Variants in DPY19L3 observed in about 807,000 individuals in gnomAD.
The protein encoded by DPY19L3 is dpy-19 like C-mannosyltransferase 3, also known as protein C-mannosyl-transferase DPY19L3.
In DPY19L3, 51 loss-of-function variants were observed where a neutral mutation model predicts 92.3. That is an observed-to-expected ratio of 0.55 (90% CI 0.44 to 0.70). The LOEUF (loss-of-function observed/expected upper bound fraction) is 0.70, where lower values mean the gene tolerates loss of function less well. Among genes scored for constraint, DPY19L3 ranks in the 30% least tolerant of loss-of-function variants. DPY19L3 has a pLI of 0.00. For missense variants in DPY19L3, 706 were observed against 855.9 expected, an observed-to-expected ratio of 0.82 and a Z score of 2.18; for synonymous variants, 309 against 315.2, an observed-to-expected ratio of 0.98 and a Z score of 0.21.
At chr19:32,467,626 G>A (rs1237717878) in intron 15 of DPY19L3, 1 of 987,426 alleles carries the variant, frequency 1.0e-6, no homozygotes, top group Non-Finnish European at 1.2e-6. Flanking sequence ...AGATCAATCA[G>A]GTGCTGCTTT....
chr19:32,475,883 T>C (rs1970492909), intron 16 of DPY19L3, among the ~76,000 whole-genome samples: 1 of 152,286 alleles, frequency 6.6e-6, no homozygotes, highest in Admixed American at 6.5e-5. Flanking sequence ...ATGTGAAACT[T>C]TTTTCCTGCT....
chr19:32,438,501 T>C (rs966072575), intron 6 of DPY19L3, among the ~76,000 whole-genome samples: 3 of 152,046 alleles, frequency 2.0e-5, no homozygotes, highest in Non-Finnish European at 4.4e-5. Flanking sequence ...TTCATATATA[T>C]CTCTATCTTT....
At chr19:32,410,016 GT>G (rs1396467748) in intron 2 of DPY19L3, among the ~76,000 whole-genome samples, 2 of 152,176 alleles carry the variant, frequency 1.3e-5, no homozygotes, top group Non-Finnish European at 2.9e-5. Context: ...CTGCTGCCAT[GT>G]TGCATTCCAG....
intron 3 of DPY19L3, among the ~76,000 whole-genome samples, chr19:32,413,447 T>TC (rs1968264029): frequency 6.6e-6 from 1 of 151,800 alleles, no homozygotes. Context: ...AATAATTCTT[T>TC]TTTTTTTTAA....
At chr19:32,419,714 A>G (rs528793531) in intron 3 of DPY19L3, among the ~76,000 whole-genome samples, 2 of 152,184 alleles carry the variant, frequency 1.3e-5, no homozygotes, top group Non-Finnish European at 2.9e-5. Flanking sequence ...GATTATAGAC[A>G]TGAGCCACAA....
chr19:32,461,277 C>T (rs1247308590), intron 12 of DPY19L3, among the ~76,000 whole-genome samples: 1 of 151,868 alleles, frequency 6.6e-6, no homozygotes, highest in Non-Finnish European at 1.5e-5. Flanking sequence ...AGGCATGAGC[C>T]ACTGCACCCT....
intron 8 of DPY19L3, 75 bp from the exon 9 acceptor site, chr19:32,453,070 C>T (rs1181082215): frequency 6.4e-7 from 1 of 1,551,672 alleles, no homozygotes; most frequent in Non-Finnish European, 8.8e-7. Flanking sequence ...GTGTATCCAC[C>T]TCATGACCAA....
At chr19:32,472,009 G>C (rs942863323) in intron 16 of DPY19L3, among the ~76,000 whole-genome samples, 1 of 150,672 alleles carries the variant, frequency 6.6e-6, no homozygotes, top group Admixed American at 6.6e-5. Flanking sequence ...TGCAGGTGGC[G>C]CTCCACTGCA....
At chr19:32,408,725 G>T (rs1968071183) in intron 2 of DPY19L3, among the ~76,000 whole-genome samples, 1 of 151,618 alleles carries the variant, frequency 6.6e-6, no homozygotes, top group Admixed American at 6.6e-5. Flanking sequence ...TTCCATTAAG[G>T]TAGTGAAAGG....
intron 16 of DPY19L3, among the ~76,000 whole-genome samples, chr19:32,472,172 A>G (rs1970377576): frequency 6.6e-6 from 1 of 152,196 alleles, no homozygotes; most frequent in African/African-American, 2.4e-5. Context: ...AATTTTTAGT[A>G]ATAGAAAATG....
Position 32,463,499 on chromosome 19 carries a change from C to G in DPY19L3, c.1445+11C>G, listed in dbSNP as rs1236961349. 1 of 1,608,396 alleles carries G rather than the reference C, an allele frequency of 6.2e-7. No individual in the cohort carries two copies. Among genetic ancestry groups the G allele is most frequent in the Non-Finnish European group, 8.5e-7 (1 of 1,177,242 alleles). On this transcript the variant is annotated intron_variant, in intron 13 of 18. Transcript: ENST00000392250. ...ATTGAGTACAATGAGGTATTTTTGT[C>G]TTACCTGTTTGTTTACTTTTTATTT...
chr19:32,424,081 A>G (rs1394175558), intron 3 of DPY19L3, among the ~76,000 whole-genome samples: 2 of 151,810 alleles, frequency 1.3e-5, no homozygotes, highest in Non-Finnish European at 2.9e-5. Flanking sequence ...TCTGGAGGGC[A>G]AAAGGTGGGA....
rs949006003 is a variant in DPY19L3 at position 32,436,360 on chromosome 19, C to G, written c.329-86C>G. On this transcript the variant is annotated intron_variant, in intron 4 of 18. Transcript: ENST00000392250. Reference sequence around the variant, plus strand: ...CCAATGCCTACCACAGTCTCTAGCACTTACTAAACAATCTGTGCATAGTTT... The same window carrying G: ...CCAATGCCTACCACAGTCTCTAGCAGTTACTAAACAATCTGTGCATAGTTT... 52 of 1,077,510 alleles carry G rather than the reference C, an allele frequency of 4.8e-5. No homozygotes were observed. The Middle Eastern group carries it at 1.0e-3, about 21-fold the overall frequency. 66.7% of individuals were successfully genotyped at this position (1,077,510 alleles called of 1,614,324 possible).
chr19:32,411,153 T>C, intron 2 of DPY19L3, 86 bp from the exon 3 acceptor site: 1 of 1,419,432 alleles, frequency 7.0e-7, no homozygotes, highest in Non-Finnish European at 9.6e-7. Flanking sequence ...CAGCTAGACT[T>C]AGCTTACTTG....
At chr19:32,429,778 ATGTTGT>A (rs71176124) in intron 3 of DPY19L3, among the ~76,000 whole-genome samples, 24 of 152,064 alleles carry the variant, frequency 1.6e-4, no homozygotes, top group South Asian at 8.3e-4. Context: ...AATGTAATTA[ATGTTGT>A]TGTTGTTGTT....
chr19:32,468,927 A>G, intron 16 of DPY19L3, 114 bp downstream of exon 16: 1 of 1,008,094 alleles, frequency 9.9e-7, no homozygotes, highest in East Asian at 2.8e-5. Flanking sequence ...ACGAAGAAAC[A>G]TTCGTCCTTA....
rs1970694537 is a variant in DPY19L3, at chr19:32,482,199, A to G, written c.2110A>G (p.Asn704Asp). Residue 704 changes from asparagine (N) to aspartate (D), a missense_variant, in exon 19 of 19, where the codon AAC becomes GAC. By Grantham distance (23) the Asn-to-Asp change is conservative (BLOSUM62 1). Coordinates refer to ENST00000392250, the MANE Select transcript of DPY19L3 (RefSeq NM_001172774.2). ...YVAYFTRVFQ[N>D]KTFHVYKLSR... ...GGCCTACTTCACCAGAGTGTTCCAG[A>G]ACAAAACCTTCCACGTTTACAAGCT... is the stretch of plus-strand genomic sequence containing the variant. 6.2e-7 allele frequency: 1 copy of G among 1,613,712 alleles called. No homozygotes were observed. The highest frequency in any genetic ancestry group is 8.5e-7 in the Non-Finnish European group (1 of 1,179,846).
intron 15 of DPY19L3, chr19:32,467,591 A>T (rs915483537): frequency 1.0e-4 from 101 of 987,540 alleles, no homozygotes; most frequent in Non-Finnish European, 1.2e-4. Flanking sequence ...CCAAAAAAAC[A>T]GTGATAGGTC....
At chr19:32,440,067 A>C (rs1969274936) in intron 8 of DPY19L3, among the ~76,000 whole-genome samples, 157 bp downstream of exon 8, 1 of 152,216 alleles carries the variant, frequency 6.6e-6, no homozygotes, top group Admixed American at 6.5e-5. Flanking sequence ...TGAGTAATTT[A>C]TGAAGCCTAG....
Sources: allele counts gnomAD v4.1 joint callset (sites outside exome capture counted in the v4.1 genomes callset), GRCh38; gene constraint gnomAD v4.1.1; transcripts MANE v1.5; gene names NCBI Gene and HGNC (gene_info 2026-07-23, HGNC 2026-07-21).